AGBL4: variants seen among roughly 807,000 people sequenced by gnomAD.
The protein encoded by AGBL4 is cytosolic carboxypeptidase 6.
Under a neutral mutation model 66.4 loss-of-function variants are expected in AGBL4, and 58 were observed. The observed-to-expected ratio is 0.87, with a 90% CI of 0.71 to 1.09. AGBL4 has a LOEUF of 1.09. Among genes scored for constraint, AGBL4 ranks in the 50% least tolerant of loss-of-function variants. The pLI is 0.00. For synonymous variants in AGBL4, 234 were observed against 222.9 expected (o/e 1.05, Z -0.44); for missense variants, 579 against 631.0 (o/e 0.92, Z 0.88).
At chr1:49,680,683 A>G (rs2124559510) in intron 3 of AGBL4, among the ~76,000 whole-genome samples, 1 of 152,066 alleles carries the variant, frequency 6.6e-6, no homozygotes, top group East Asian at 1.9e-4. Flanking sequence ...TGGCTATGAT[A>G]TGTCTTGCCA....
chr1:49,513,755 G>T (rs79004259), intron 3 of AGBL4, among the ~76,000 whole-genome samples: 1 of 151,930 alleles, frequency 6.6e-6, no homozygotes, highest in Non-Finnish European at 1.5e-5. Context: ...TACTATAAAT[G>T]ACTATTTCAA....
Position 49,021,506 on chromosome 1 carries a change from A to G in AGBL4, c.594+24078T>C, listed in dbSNP as rs186480254. On this transcript the variant is annotated intron_variant, in intron 5 of 13. Coordinates refer to ENST00000371839, the MANE Select transcript of AGBL4 (RefSeq NM_032785.4). Reference sequence around the variant, plus strand: ...AGTGCCTTTAAAAGGAACCAAAAAGACTAGAGTTCTCTCTGTCATGTGAGG... The same window carrying G: ...AGTGCCTTTAAAAGGAACCAAAAAGGCTAGAGTTCTCTCTGTCATGTGAGG... Among the ~76,000 whole-genome samples, 122 of 152,264 alleles carry G rather than the reference A, an allele frequency of 8.0e-4. 2 individuals carry two copies. The South Asian group carries it at 0.013, about 17-fold the overall frequency.
chr1:48,635,690 T>A (rs939237735), intron 8 of AGBL4, among the ~76,000 whole-genome samples: 6 of 152,176 alleles, frequency 3.9e-5, no homozygotes, highest in African/African-American at 1.4e-4. Flanking sequence ...CAAGAGCCTC[T>A]TTCATCATGG....
At chr1:49,254,249 A>T (rs542835966) in intron 3 of AGBL4, among the ~76,000 whole-genome samples, 40 of 152,064 alleles carry the variant, frequency 2.6e-4, no homozygotes, top group Non-Finnish European at 5.6e-4. Flanking sequence ...AGATGGCACG[A>T]TCCTCTCATC....
intron 3 of AGBL4, among the ~76,000 whole-genome samples, chr1:49,333,184 A>G (rs1396805328): frequency 6.6e-6 from 1 of 152,138 alleles, no homozygotes; most frequent in African/African-American, 2.4e-5. Flanking sequence ...TATAATAATA[A>G]TAATAATAAT....
Position 49,675,878 on chromosome 1 carries a change from C to T in AGBL4, c.282+21435G>A, listed in dbSNP as rs76461468. 7.9e-5 allele frequency among the ~76,000 whole-genome samples: 12 copies of T among 152,170 alleles called. No individual in the cohort carries two copies. The East Asian group carries it at 2.3e-3, about 29-fold the overall frequency. ...TTACAGATCTGAATCTGAAGGAAGG[C>T]AGTGATTTGCACAAAGTTCTACTGC... On this transcript the variant is annotated intron_variant, in intron 3 of 13. Transcript: ENST00000371839.
At chr1:49,452,052 G>T (rs1244573354) in intron 3 of AGBL4, among the ~76,000 whole-genome samples, 1 of 151,596 alleles carries the variant, frequency 6.6e-6, no homozygotes, top group African/African-American at 2.4e-5. Context: ...ATTCCAGTTG[G>T]TCCAGTTTCC....
intron 1 of AGBL4, among the ~76,000 whole-genome samples, chr1:49,861,083 T>A (rs1646560766): frequency 6.6e-6 from 1 of 152,134 alleles, no homozygotes; most frequent in African/African-American, 2.4e-5. Flanking sequence ...ACTCAGCTGA[T>A]GCCCACCCAC....
chr1:49,658,162 A>G (rs1407912208), intron 3 of AGBL4, among the ~76,000 whole-genome samples: 5 of 152,104 alleles, frequency 3.3e-5, no homozygotes, highest in African/African-American at 1.2e-4. Flanking sequence ...AATTTACAAG[A>G]AAAAAACAAA....
chr1:49,419,386 A>G (rs1645495105), intron 3 of AGBL4, among the ~76,000 whole-genome samples: 1 of 152,200 alleles, frequency 6.6e-6, no homozygotes, highest in African/African-American at 2.4e-5. Context: ...CACATTTTAC[A>G]ACTGCATATG....
At chr1:49,267,662 G>A (rs941816533) in intron 3 of AGBL4, among the ~76,000 whole-genome samples, 20 of 151,706 alleles carry the variant, frequency 1.3e-4, no homozygotes, top group Non-Finnish European at 2.6e-4. Flanking sequence ...CCTGGGCAAC[G>A]GAGCGAGACT....
At chr1:49,287,264 A>G in intron 3 of AGBL4, among the ~76,000 whole-genome samples, 2 of 140,276 alleles carry the variant, frequency 1.4e-5, no homozygotes, top group South Asian at 2.5e-4. Context: ...AAAACCCTAG[A>G]AGAAAACCTA....
chr1:49,182,507 T>C (rs943470864), intron 4 of AGBL4, among the ~76,000 whole-genome samples: 1 of 152,228 alleles, frequency 6.6e-6, no homozygotes, highest in East Asian at 1.9e-4. Context: ...AGTTTCCTTA[T>C]CTGTTTAATT....
At chr1:49,495,463 G>C in intron 3 of AGBL4, among the ~76,000 whole-genome samples, 1 of 151,776 alleles carries the variant, frequency 6.6e-6, no homozygotes, top group East Asian at 1.9e-4. Context: ...CAAAAGATTA[G>C]ACAGCCCTGT....
intron 1 of AGBL4, among the ~76,000 whole-genome samples, chr1:49,867,490 T>TCCCCCC (rs1011153974): frequency 2.5e-5 from 2 of 79,258 alleles, no homozygotes; most frequent in Non-Finnish European, 4.7e-5. Context: ...CCCTTCCCCC[T>TCCCCCC]CCCCCCACCC....
intron 3 of AGBL4, among the ~76,000 whole-genome samples, chr1:49,289,348 A>T (rs1644490860): frequency 1.3e-5 from 2 of 152,240 alleles, no homozygotes; most frequent in Non-Finnish European, 2.9e-5. Context: ...CATGCAAAAT[A>T]TTCATGATTG....
At chr1:49,515,884 G>A (rs1209707225) in intron 3 of AGBL4, among the ~76,000 whole-genome samples, 1 of 116,488 alleles carries the variant, frequency 8.6e-6, no homozygotes, top group South Asian at 2.9e-4. Flanking sequence ...ACCGGGGCCT[G>A]TTGTGGGGTG....
At chr1:50,023,668 C>T in intron 1 of AGBL4, 95 bp downstream of exon 1, 1 of 1,409,342 alleles carries the variant, frequency 7.1e-7, no homozygotes, top group Non-Finnish European at 9.4e-7. Context: ...AGGACCGCCT[C>T]CTCAGGAGTA....
intron 1 of AGBL4, among the ~76,000 whole-genome samples, chr1:49,871,853 CT>C (rs751219331): frequency 2.6e-4 from 39 of 151,976 alleles, no homozygotes; most frequent in Non-Finnish European, 5.6e-4. Context: ...TGTTCTAAGA[CT>C]TTTGTCATCC....
Sources: allele counts gnomAD v4.1 joint callset (sites outside exome capture counted in the v4.1 genomes callset), GRCh38; gene constraint gnomAD v4.1.1; transcripts MANE v1.5; gene names NCBI Gene and HGNC (gene_info 2026-07-23, HGNC 2026-07-21).